Variants in CRPPA observed in about 807,000 individuals in gnomAD.
CRPPA encodes CDP-L-ribitol pyrophosphorylase A.
Under a neutral mutation model 52.0 loss-of-function variants are expected in CRPPA, and 43 were observed. The observed-to-expected ratio is 0.83, with a 90% CI of 0.65 to 1.07. The LOEUF is 1.07. Ranked by LOEUF, CRPPA falls within the 50% of genes least tolerant of loss-of-function variation. The probability of loss-of-function intolerance (pLI) is 0.00; values close to 1 mark genes in which losing one functional copy is unlikely to be tolerated. For synonymous variants in CRPPA, 250 were observed against 203.5 expected, an observed-to-expected ratio of 1.23 and a Z score of -1.94; for missense variants, 629 against 551.7, an observed-to-expected ratio of 1.14 and a Z score of -1.40.
intron 3 of CRPPA, among the ~76,000 whole-genome samples, chr7:16,327,447 G>C (rs1388413097): frequency 6.6e-6 from 1 of 151,834 alleles, no homozygotes; most frequent in Non-Finnish European, 1.5e-5. Flanking sequence ...AAAAAAATTA[G>C]CCGGGCGCGG....
chr7:16,264,638 A>C (rs1162171869), intron 6 of CRPPA, among the ~76,000 whole-genome samples: 1 of 152,244 alleles, frequency 6.6e-6, no homozygotes, highest in Non-Finnish European at 1.5e-5. Context: ...TTTTACAGAA[A>C]ACGTTGGCTG....
intron 3 of CRPPA, among the ~76,000 whole-genome samples, chr7:16,312,740 A>T (rs1785060471): frequency 6.6e-6 from 1 of 152,010 alleles, no homozygotes; most frequent in African/African-American, 2.4e-5. Flanking sequence ...ATATTTTTTT[A>T]AATCAAGAAA....
chr7:16,189,488 G>A (rs1781565729), intron 9 of CRPPA, among the ~76,000 whole-genome samples: 1 of 152,168 alleles, frequency 6.6e-6, no homozygotes, highest in South Asian at 2.1e-4. Flanking sequence ...CAAGCATCTA[G>A]ATAGTTGAGC....
intron 9 of CRPPA, among the ~76,000 whole-genome samples, chr7:16,191,619 G>C (rs983717131): frequency 2.6e-5 from 4 of 152,126 alleles, no homozygotes; most frequent in African/African-American, 4.8e-5. Flanking sequence ...GAATGAACTA[G>C]TGAATATCAG....
At chr7:16,219,670 C>G (rs201679720) in intron 8 of CRPPA, among the ~76,000 whole-genome samples, 1 of 99,632 alleles carries the variant, frequency 1.0e-5, no homozygotes, top group Admixed American at 1.2e-4. Flanking sequence ...AACACCTCTA[C>G]GCAAATAAAC....
chr7:16,200,774 T>C (rs772755345), intron 9 of CRPPA, among the ~76,000 whole-genome samples: 8 of 152,184 alleles, frequency 5.3e-5, no homozygotes, highest in Non-Finnish European at 1.2e-4. Context: ...TCAATTCCCT[T>C]AAGCAACAAT....
chr7:16,382,564 C>G (rs1015114391), intron 2 of CRPPA, among the ~76,000 whole-genome samples: 1 of 152,032 alleles, frequency 6.6e-6, no homozygotes, highest in Non-Finnish European at 1.5e-5. Context: ...GGAAGTTCTC[C>G]TGGATAATAT....
intron 9 of CRPPA, among the ~76,000 whole-genome samples, chr7:16,155,657 G>C (rs1207141135): frequency 1.3e-5 from 2 of 152,158 alleles, no homozygotes; most frequent in East Asian, 3.8e-4. Flanking sequence ...TAAAAATATA[G>C]TATATGACAC....
At chr7:16,209,151 C>A in intron 9 of CRPPA, 1 of 362,302 alleles carries the variant, frequency 2.8e-6, no homozygotes, top group Non-Finnish European at 5.3e-6. Context: ...TGTGCTAAGG[C>A]TTAGTGCATT....
rs548041216 is a variant in CRPPA, at chr7:16,211,211, C to T, written c.1251+4855G>A. 2.4e-4 allele frequency among the ~76,000 whole-genome samples: 36 copies of T among 152,246 alleles called. No individual in the cohort carries two copies. In the South Asian group the frequency reaches 7.0e-3, roughly 30 times the overall value. On this transcript the variant is annotated intron_variant, in intron 9 of 9. Coordinates refer to ENST00000407010, the MANE Select transcript of CRPPA (RefSeq NM_001101426.4). Reference sequence around the variant, plus strand: ...TACCGCCATTCTCTAATGAGTCTGCCAAGTAAGCTAACCAAACTCTATAAA... The same window carrying T: ...TACCGCCATTCTCTAATGAGTCTGCTAAGTAAGCTAACCAAACTCTATAAA...
chr7:16,411,296 C>T (rs10265000), intron 1 of CRPPA, among the ~76,000 whole-genome samples: 30,212 of 152,010 alleles, frequency 0.2, 4,850 homozygotes, highest in African/African-American at 0.44. Flanking sequence ...CAGTCTGACT[C>T]TGGGGCCTAT....
intron 9 of CRPPA, among the ~76,000 whole-genome samples, chr7:16,162,002 A>C (rs768801237): frequency 6.6e-6 from 1 of 152,076 alleles, no homozygotes; most frequent in Non-Finnish European, 1.5e-5. Context: ...CTCTGATGGT[A>C]GTTTGTATTT....
intron 1 of CRPPA, among the ~76,000 whole-genome samples, chr7:16,413,847 A>G (rs1317894480): frequency 6.6e-6 from 1 of 152,168 alleles, no homozygotes; most frequent in Non-Finnish European, 1.5e-5. Context: ...TTTAGTTTCC[A>G]TAATATAAAC....
chr7:16,161,996 G>A (rs1012530315), intron 9 of CRPPA, among the ~76,000 whole-genome samples: 1 of 152,156 alleles, frequency 6.6e-6, no homozygotes, highest in Non-Finnish European at 1.5e-5. Flanking sequence ...AGTATTCTCT[G>A]ATGGTAGTTT....
intron 9 of CRPPA, among the ~76,000 whole-genome samples, chr7:16,205,116 A>G (rs530578990): frequency 2.6e-5 from 4 of 152,320 alleles, no homozygotes; most frequent in African/African-American, 9.6e-5. Flanking sequence ...AGAAGGCAAA[A>G]CAGCTATTCA....
At chr7:16,338,317 A>C (rs1785738182) in intron 3 of CRPPA, among the ~76,000 whole-genome samples, 1 of 152,236 alleles carries the variant, frequency 6.6e-6, no homozygotes, top group African/African-American at 2.4e-5. Context: ...CATGCAGAAA[A>C]AATATTTGAC....
At chr7:16,152,309 T>C (rs1011659186) in intron 9 of CRPPA, among the ~76,000 whole-genome samples, 1 of 151,974 alleles carries the variant, frequency 6.6e-6, no homozygotes, top group Non-Finnish European at 1.5e-5. Flanking sequence ...TTATAAAATA[T>C]ACTTTATATG....
At chr7:16,208,286 CTT>C (rs1782022199) in intron 9 of CRPPA, among the ~76,000 whole-genome samples, 1 of 152,118 alleles carries the variant, frequency 6.6e-6, no homozygotes, top group Admixed American at 6.5e-5. Flanking sequence ...TTAAAAATAA[CTT>C]ATACCTCTAT....
intron 1 of CRPPA, among the ~76,000 whole-genome samples, chr7:16,417,047 C>T (rs149795254): frequency 2.0e-4 from 31 of 152,138 alleles, no homozygotes; most frequent in African/African-American, 5.5e-4. Context: ...AACAAACAAA[C>T]GTTCCACATC....
Sources: gnomAD v4.1 joint callset for allele counts (sites outside exome capture counted in the v4.1 genomes callset) on GRCh38, gnomAD v4.1.1 for gene constraint, MANE v1.5 for transcripts, NCBI Gene and HGNC (gene_info 2026-07-23, HGNC 2026-07-21) for gene names.